Variants in SOX5 observed in about 807,000 individuals in gnomAD.
SOX5 encodes SRY-box transcription factor 5.
In SOX5, 9 loss-of-function variants were observed where a neutral mutation model predicts 92.0. The observed-to-expected ratio is 0.10, with a 90% CI of 0.06 to 0.17. SOX5 has a LOEUF of 0.17. SOX5 is among the 10% of genes least tolerant of loss of function. The pLI is 1.00. For missense variants in SOX5, 642 were observed against 944.5 expected (o/e 0.68, Z 4.20); for synonymous variants, 344 against 336.3 (o/e 1.02, Z -0.25).
At chr12:24,536,413 T>C (rs1228561313) in intron 1 of SOX5, among the ~76,000 whole-genome samples, 1 of 152,142 alleles carries the variant, frequency 6.6e-6, no homozygotes, top group Non-Finnish European at 1.5e-5. Context: ...TCAAAAGCGC[T>C]CCTTGCAAAG....
chr12:23,854,745 C>T (rs2096668861), intron 2 of SOX5, among the ~76,000 whole-genome samples: 1 of 152,052 alleles, frequency 6.6e-6, no homozygotes, highest in Non-Finnish European at 1.5e-5. Flanking sequence ...CCATCATTCA[C>T]CAGTTGTGTG....
At chr12:24,427,808 A>C (rs572518403) in intron 1 of SOX5, among the ~76,000 whole-genome samples, 1 of 152,326 alleles carries the variant, frequency 6.6e-6, no homozygotes, top group South Asian at 2.1e-4. Context: ...GCGCTTGATA[A>C]AACTTTCCTC....
At chr12:23,671,455 C>A (rs1593146886) in intron 6 of SOX5, among the ~76,000 whole-genome samples, 2 of 151,986 alleles carry the variant, frequency 1.3e-5, no homozygotes, top group African/African-American at 2.4e-5. Flanking sequence ...AGTTTCTGAG[C>A]AAATGAAGAA....
chr12:24,195,695 T>C (rs180952357), intron 4 of SOX5, among the ~76,000 whole-genome samples: 5 of 152,256 alleles, frequency 3.3e-5, no homozygotes, highest in Admixed American at 2.6e-4. Flanking sequence ...TGGAGCTAAG[T>C]CAAATTTGAG....
chr12:24,161,674 TTAAAG>T, intron 4 of SOX5, among the ~76,000 whole-genome samples: 1 of 152,216 alleles, frequency 6.6e-6, no homozygotes, highest in East Asian at 1.9e-4. Flanking sequence ...TAACATTTTC[TTAAAG>T]TAGACAATTT....
intron 6 of SOX5, among the ~76,000 whole-genome samples, chr12:23,702,193 A>G (rs1446867973): frequency 6.6e-6 from 1 of 152,106 alleles, no homozygotes; most frequent in Non-Finnish European, 1.5e-5. Context: ...CATGTTTAAT[A>G]TCTACACTGC....
At chr12:24,431,094 T>C (rs1044930516) in intron 1 of SOX5, among the ~76,000 whole-genome samples, 2 of 152,184 alleles carry the variant, frequency 1.3e-5, no homozygotes, top group Non-Finnish European at 2.9e-5. Context: ...GACTTCATAT[T>C]GTTTATTGTA....
At chr12:23,580,616 C>T (rs1304643899) in intron 9 of SOX5, among the ~76,000 whole-genome samples, 2 of 152,030 alleles carry the variant, frequency 1.3e-5, no homozygotes, top group Non-Finnish European at 1.5e-5. Flanking sequence ...TAGAAGCTCA[C>T]TCATGATATA....
intron 4 of SOX5, among the ~76,000 whole-genome samples, chr12:24,055,550 C>T (rs184502225): frequency 5.8e-4 from 89 of 152,256 alleles, no homozygotes; most frequent in African/African-American, 2.1e-3. Context: ...CCCTATGAAC[C>T]AGGAACAACA....
chr12:24,196,521 C>A (rs1957027021), intron 4 of SOX5, among the ~76,000 whole-genome samples: 1 of 152,092 alleles, frequency 6.6e-6, no homozygotes, highest in African/African-American at 2.4e-5. Context: ...AAGGGGGGGT[C>A]AACCAGATGA....
At chr12:23,606,241 A>G (rs1168056236) in intron 8 of SOX5, among the ~76,000 whole-genome samples, 1 of 151,958 alleles carries the variant, frequency 6.6e-6, no homozygotes, top group Non-Finnish European at 1.5e-5. Context: ...TCTGACCAGT[A>G]GAATGCATGT....
intron 3 of SOX5, among the ~76,000 whole-genome samples, chr12:23,835,751 C>T (rs2096404483): frequency 6.6e-6 from 1 of 151,666 alleles, no homozygotes; most frequent in Admixed American, 6.6e-5. Context: ...GATTATTTGG[C>T]AAAATCTCTC....
chr12:24,454,792 A>AT (rs796260799), intron 1 of SOX5, among the ~76,000 whole-genome samples: 73 of 152,140 alleles, frequency 4.8e-4, no homozygotes, highest in African/African-American at 1.7e-3. Context: ...ATAATAACTA[A>AT]TTTTTTTTCA....
chr12:24,161,455 A>T (rs1952746339), intron 4 of SOX5, among the ~76,000 whole-genome samples: 1 of 152,074 alleles, frequency 6.6e-6, no homozygotes, highest in Non-Finnish European at 1.5e-5. Context: ...TGTTTATTAG[A>T]GCAGAGAGTA....
chr12:23,798,035 T>C lies in SOX5; in HGVS notation c.482-42311A>G, dbSNP rs77716845. Among the ~76,000 whole-genome samples, 799 of 152,170 alleles carry C rather than the reference T, an allele frequency of 5.3e-3. 2 individuals are homozygous for C. Among genetic ancestry groups the C allele is most frequent in the Non-Finnish European group, 7.4e-3 (504 of 67,942 alleles). On this transcript the variant is annotated intron_variant, in intron 3 of 14. Transcript: ENST00000451604. ...CTCCTTCAAGTCTTTTGTTCAAATG[T>C]CATTTTCTCAGGATGGATTTTTACA...
intron 1 of SOX5, among the ~76,000 whole-genome samples, chr12:24,449,951 T>TA (rs1363557877): frequency 6.6e-6 from 1 of 152,166 alleles, no homozygotes; most frequent in Non-Finnish European, 1.5e-5. Flanking sequence ...TTATCATCCA[T>TA]GAAAATTACT....
intron 1 of SOX5, among the ~76,000 whole-genome samples, chr12:23,911,599 T>C (rs2097352451): frequency 6.6e-6 from 1 of 152,128 alleles, no homozygotes; most frequent in Non-Finnish European, 1.5e-5. Flanking sequence ...TTTTAAATGA[T>C]GTATACCTTT....
At chr12:23,548,385 CA>C (rs1353939995) in intron 11 of SOX5, among the ~76,000 whole-genome samples, 2 of 152,014 alleles carry the variant, frequency 1.3e-5, no homozygotes, top group Non-Finnish European at 2.9e-5. Context: ...ACCACTAATG[CA>C]CCCAATATTA....
chr12:24,527,821 TAAAAAC>T (rs1950848124), intron 1 of SOX5, among the ~76,000 whole-genome samples: 1 of 152,312 alleles, frequency 6.6e-6, no homozygotes, highest in South Asian at 2.1e-4. Flanking sequence ...ACTAATTTCT[TAAAAAC>T]AAAAACAAAA....
Sources: allele counts gnomAD v4.1 joint callset (sites outside exome capture counted in the v4.1 genomes callset), GRCh38; gene constraint gnomAD v4.1.1; transcripts MANE v1.5; gene names NCBI Gene and HGNC (gene_info 2026-07-23, HGNC 2026-07-21).